The following DPF3 variants were observed in gnomAD, a reference collection of about 807,000 sequenced individuals.
The protein encoded by DPF3 is zinc finger protein DPF3.
In DPF3, 18 loss-of-function variants were observed where a neutral mutation model predicts 56.8. The ratio of observed to expected loss-of-function variants is 0.32; its 90% confidence interval spans 0.22 to 0.47. DPF3 has a LOEUF of 0.47. Among genes scored for constraint, DPF3 ranks in the 20% least tolerant of loss-of-function variants. The pLI, the probability that DPF3 is intolerant of heterozygous loss-of-function variation, is 1.00. For missense variants in DPF3, 403 were observed against 488.8 expected (o/e 0.82, Z 1.65); for synonymous variants, 188 against 180.2 (o/e 1.04, Z -0.35).
Position 72,611,266 on chromosome 14 carries a change from G to A in DPF3, c.*8031C>T, listed in dbSNP as rs45467198. 0.056 allele frequency among the ~76,000 whole-genome samples: 8,472 copies of A among 152,304 alleles called. 294 individuals carry two copies. Among genetic ancestry groups the A allele is most frequent in the Middle Eastern group, 0.12 (34 of 294 alleles). ...GCTGAAATCTGGCTGTGACACGTGT[G>A]GAGAAAAGGAAAGATGAAACAAACG... On this transcript the variant is annotated 3_prime_UTR_variant, in exon 11 of 11. Coordinates refer to ENST00000556509, the MANE Select transcript of DPF3 (RefSeq NM_001280542.3).
intron 7 of DPF3, 110 bp from the exon 8 acceptor site, chr14:72,674,478 T>C (rs1886824787): frequency 6.9e-7 from 1 of 1,449,998 alleles, no homozygotes. Flanking sequence ...TCTGAGGTTT[T>C]ATTATAACCA....
In DPF3 at chr14:72,617,254, G is replaced by A. The variant is rs913905127; in HGVS notation, c.*2043C>T. Among the ~76,000 whole-genome samples the A allele has an allele frequency of 2.6e-5, 4 of 152,216 alleles. No individual in the cohort carries two copies. Among genetic ancestry groups the A allele is most frequent in the Non-Finnish European group, 5.9e-5 (4 of 68,040 alleles). On this transcript the variant is annotated 3_prime_UTR_variant, in exon 11 of 11. Coordinates refer to ENST00000556509, the MANE Select transcript of DPF3 (RefSeq NM_001280542.3). ...TCGGACTTGCTTTTTAAACTTTTAA[G>A]CTATTGTGGCACTTGGGAACATTTG...
chr14:72,700,402 C>T (rs149855637), intron 6 of DPF3, among the ~76,000 whole-genome samples: 2 of 152,336 alleles, frequency 1.3e-5, no homozygotes, highest in African/African-American at 4.8e-5. Flanking sequence ...CCCTACAAAT[C>T]ACGTAGCCAG....
intron 1 of DPF3, among the ~76,000 whole-genome samples, chr14:72,840,588 C>T (rs1452881613): frequency 6.6e-6 from 1 of 152,082 alleles, no homozygotes; most frequent in Non-Finnish European, 1.5e-5. Flanking sequence ...TATTGTTTAA[C>T]AAAAATGGAA....
chr14:72,832,020 C>T (rs1567248792), intron 1 of DPF3, among the ~76,000 whole-genome samples: 1 of 152,024 alleles, frequency 6.6e-6, no homozygotes, highest in Non-Finnish European at 1.5e-5. Flanking sequence ...GAATTTGAGA[C>T]CAGCCTGGGC....
intron 8 of DPF3, among the ~76,000 whole-genome samples, chr14:72,665,251 T>C (rs948497498): frequency 5.3e-5 from 8 of 152,224 alleles, no homozygotes; most frequent in African/African-American, 1.9e-4. Flanking sequence ...ACAAAATAAA[T>C]CCAATGGCCA....
chr14:72,732,641 G>A (rs553991780), intron 3 of DPF3, among the ~76,000 whole-genome samples: 8 of 152,290 alleles, frequency 5.3e-5, no homozygotes, highest in Middle Eastern at 3.4e-3. Context: ...GAAGGTATCA[G>A]GAGTTTGATC....
In DPF3 at chr14:72,723,478, C is replaced by G. The variant is rs538263373; in HGVS notation, c.525+155G>C. ...AGCTCTGAACTCTTCCAGGCTACGA[C>G]CTGGGATCAGAGCTCTTCTGGAGTT... On this transcript the variant is annotated intron_variant, in intron 5 of 10. Coordinates refer to ENST00000556509, the MANE Select transcript of DPF3 (RefSeq NM_001280542.3). Among the ~76,000 whole-genome samples, 7 of 152,296 alleles carry G rather than the reference C, an allele frequency of 4.6e-5. 1 individual carries two copies. In the South Asian group the frequency reaches 1.5e-3, roughly 32 times the overall value.
At position 72,693,204 on chromosome 14, in the gene DPF3, T is replaced by C; in HGVS notation, c.614A>G (p.Lys205Arg). Residue 205 changes from lysine (K) to arginine (R), a missense_variant, in exon 7 of 11, where the codon AAG becomes AGG. Coordinates refer to ENST00000556509, the MANE Select transcript of DPF3 (RefSeq NM_001280542.3). ...DKPYVCDICG[K>R]RYKNRPGLSY... ...GAGCCCCGGTCGGTTCTTGTAGCGC[T>C]TGCCACAGACTAGAGAGGAAAAGAG... 2 of 1,613,876 alleles carry C rather than the reference T, an allele frequency of 1.2e-6. No individual in the cohort carries two copies. Among genetic ancestry groups the C allele is most frequent in the Non-Finnish European group, 1.7e-6 (2 of 1,179,858 alleles).
intron 1 of DPF3, among the ~76,000 whole-genome samples, chr14:72,822,769 G>A (rs1365302929): frequency 6.6e-6 from 1 of 152,132 alleles, no homozygotes; most frequent in African/African-American, 2.4e-5. Flanking sequence ...TAGAAGGAAG[G>A]AGAGTATTAT....
chr14:72,778,451 C>T (rs1442903528), intron 1 of DPF3, among the ~76,000 whole-genome samples: 1 of 152,184 alleles, frequency 6.6e-6, no homozygotes, highest in Non-Finnish European at 1.5e-5. Context: ...ATGAGACTGT[C>T]TAGTTGCAGG....
At chr14:72,836,301 C>T in intron 1 of DPF3, 1 of 985,642 alleles carries the variant, frequency 1.0e-6, no homozygotes, top group Non-Finnish European at 1.2e-6. Flanking sequence ...CTGCCAAACT[C>T]CCAGGGCAAC....
At chr14:72,640,046 T>TAAAAAAAAAAAAAAAAAAA in intron 8 of DPF3, among the ~76,000 whole-genome samples, 23 of 45,258 alleles carry the variant, frequency 5.1e-4, no homozygotes, top group South Asian at 1.0e-3. Flanking sequence ...GTTTTCTAAG[T>TAAAAAAAAAAAAAAAAAAA]AAAAAAAAAA....
At chr14:72,653,206 C>T (rs1885967089) in intron 8 of DPF3, among the ~76,000 whole-genome samples, 2 of 152,328 alleles carry the variant, frequency 1.3e-5, no homozygotes, top group South Asian at 4.1e-4. Context: ...GAGTGCTGGT[C>T]TACTCATCTG....
chr14:72,795,139 G>T (rs147229508), intron 1 of DPF3, among the ~76,000 whole-genome samples: 32 of 151,970 alleles, frequency 2.1e-4, no homozygotes, highest in Non-Finnish European at 3.8e-4. Flanking sequence ...TGGGGGTAAG[G>T]TCACGCTTCT....
intron 1 of DPF3, among the ~76,000 whole-genome samples, chr14:72,823,126 A>G (rs1883627706): frequency 6.6e-6 from 1 of 152,198 alleles, no homozygotes; most frequent in Admixed American, 6.5e-5. Flanking sequence ...TGGTGGTTAC[A>G]GGGAAGGTTT....
intron 1 of DPF3, among the ~76,000 whole-genome samples, chr14:72,889,221 C>T (rs1048543696): frequency 6.6e-6 from 1 of 152,180 alleles, no homozygotes; most frequent in African/African-American, 2.4e-5. Flanking sequence ...GGGAGGCCTG[C>T]AGACCAGGCT....
intron 1 of DPF3, among the ~76,000 whole-genome samples, chr14:72,874,679 A>G (rs1886040705): frequency 6.6e-6 from 1 of 152,234 alleles, no homozygotes. Context: ...AGACAACCTC[A>G]GCCTGGATTT....
intron 6 of DPF3, among the ~76,000 whole-genome samples, chr14:72,704,819 C>T (rs193206356): frequency 3.2e-4 from 48 of 152,280 alleles, no homozygotes; most frequent in Non-Finnish European, 1.2e-4. Flanking sequence ...CATCATCTGC[C>T]GGGTTCTGTG....
Sources: allele counts gnomAD v4.1 joint callset (sites outside exome capture counted in the v4.1 genomes callset), GRCh38; gene constraint gnomAD v4.1.1; transcripts MANE v1.5; gene names NCBI Gene and HGNC (gene_info 2026-07-23, HGNC 2026-07-21).